ATRX: variants seen among roughly 807,000 people sequenced by gnomAD.
ATRX encodes ATRX chromatin remodeler.
ATRX carries 12 observed loss-of-function variants against 172.6 expected under a neutral mutation model. The ratio of observed to expected loss-of-function variants is 0.07; its 90% CI spans 0.04 to 0.11. The LOEUF (loss-of-function observed/expected upper bound fraction) is 0.11, where lower values mean the gene tolerates loss of function less well. Among genes scored for constraint, ATRX ranks in the 10% least tolerant of loss-of-function variants. The pLI, the probability that ATRX is intolerant of heterozygous loss-of-function variation, is 1.00. For missense variants in ATRX, 1,368 were observed against 1,767.4 expected (o/e 0.77, Z 4.05); for synonymous variants, 674 against 594.7 (o/e 1.13, Z -1.94).
intron 22 of ATRX, among the ~76,000 whole-genome samples, chrX:77,605,796 A>C (rs1238605264): frequency 1.8e-5 from 2 of 111,867 alleles, no homozygotes; most frequent in Admixed American, 1.9e-4. Context: ...AGTAGAAAAG[A>C]TCAATGAAAC....
chrX:77,666,472 C>A (rs1471036779), intron 10 of ATRX, among the ~76,000 whole-genome samples: 2 of 112,087 alleles, frequency 1.8e-5, no homozygotes, highest in African/African-American at 6.5e-5. Flanking sequence ...ACAACATACC[C>A]TCCCCAAATT....
intron 1 of ATRX, among the ~76,000 whole-genome samples, chrX:77,760,494 T>G (rs1275249969): frequency 1.1e-5 from 1 of 93,087 alleles, no homozygotes; most frequent in African/African-American, 3.9e-5. Flanking sequence ...GGGGGAGGGA[T>G]AGCATTGGGA....
chrX:77,682,564 C>G lies in ATRX; in HGVS notation c.2692G>C (p.Asp898His), dbSNP rs781903868. Reference sequence around the variant, plus strand: ...TCTCTTAATTCCATGATGGTCGTGTCTTTATCAACTGTGCCTTCTGCTGAA... The same window carrying G: ...TCTCTTAATTCCATGATGGTCGTGTGTTTATCAACTGTGCCTTCTGCTGAA... ...FSSAEGTVDK[D>H]TTIMELRDRL... The change falls in exon 9 of 35, where the codon GAC becomes CAC. Residue 898 changes from aspartate (D) to histidine (H), a missense_variant. Physicochemically the swap from Asp to His is moderately conservative, Grantham distance 81 (BLOSUM62 -1). Around this residue, in one of 17 missense-constraint regions of ATRX, gnomAD observed 843 missense variants for 643.1 expected, o/e 1.31. Transcript: ENST00000373344. 10 of 1,209,348 alleles carry G rather than the reference C, an allele frequency of 8.3e-6. No individual in the cohort carries two copies. The highest frequency in any genetic ancestry group is 3.5e-5 in the South Asian group (2 of 56,805).
intron 30 of ATRX, among the ~76,000 whole-genome samples, chrX:77,527,562 A>C (rs2063422553): frequency 8.9e-6 from 1 of 112,055 alleles, no homozygotes; most frequent in Admixed American, 9.4e-5. Flanking sequence ...GTCTCAGCAA[A>C]ACAGCAGCTC....
chrX:77,540,473 T>G (rs888281787), intron 30 of ATRX, among the ~76,000 whole-genome samples: 3 of 111,687 alleles, frequency 2.7e-5, no homozygotes, highest in Admixed American at 1.9e-4. Context: ...ACCTAAAAGA[T>G]ATCTACAGAA....
chrX:77,737,187 G>C (rs2074611570), intron 1 of ATRX, among the ~76,000 whole-genome samples: 1 of 110,451 alleles, frequency 9.1e-6, no homozygotes, highest in Non-Finnish European at 1.9e-5. Flanking sequence ...CACTTTAGGA[G>C]GCCGCGGCGG....
chrX:77,712,759 G>A (rs1266150220), intron 2 of ATRX, among the ~76,000 whole-genome samples: 1 of 111,540 alleles, frequency 9.0e-6, no homozygotes, highest in Non-Finnish European at 1.9e-5. Context: ...AACCCAGGAG[G>A]CGGAGGTTGC....
chrX:77,548,662 C>A (rs2064339832), intron 30 of ATRX, among the ~76,000 whole-genome samples: 1 of 112,472 alleles, frequency 8.9e-6, no homozygotes, highest in Admixed American at 9.4e-5. Context: ...TCATACTTTA[C>A]ATCAAATTAT....
chrX:77,695,634 A>C (rs1217733704), intron 5 of ATRX, among the ~76,000 whole-genome samples: 3 of 111,315 alleles, frequency 2.7e-5, no homozygotes, highest in Admixed American at 1.9e-4. Context: ...TGATTTGCAA[A>C]ACTAAGTAAG....
intron 2 of ATRX, among the ~76,000 whole-genome samples, chrX:77,706,856 T>C (rs1557157314): frequency 1.8e-5 from 2 of 111,814 alleles, no homozygotes; most frequent in Non-Finnish European, 3.8e-5. Flanking sequence ...CAGTGAACTA[T>C]GATCTTGCCA....
chrX:77,533,472 T>C (rs1477530796), intron 30 of ATRX, among the ~76,000 whole-genome samples: 19 of 112,177 alleles, frequency 1.7e-4, no homozygotes, highest in African/African-American at 6.2e-4. Flanking sequence ...AACAAGATCA[T>C]GTCCTTTGCA....
intron 7 of ATRX, among the ~76,000 whole-genome samples, chrX:77,686,302 C>T (rs2071549013): frequency 8.9e-6 from 1 of 112,221 alleles, no homozygotes; most frequent in Admixed American, 9.5e-5. Flanking sequence ...ATTAAAACAT[C>T]TCATGTATGC....
At chrX:77,546,557 A>C (rs782261632) in intron 30 of ATRX, among the ~76,000 whole-genome samples, 83 of 110,078 alleles carry the variant, frequency 7.5e-4, no homozygotes, top group Non-Finnish European at 1.4e-3. Context: ...TAGTGGTACA[A>C]ACTTGCTCAC....
At chrX:77,747,216 G>A (rs1193310117) in intron 1 of ATRX, among the ~76,000 whole-genome samples, 4 of 111,648 alleles carry the variant, frequency 3.6e-5, no homozygotes, top group Non-Finnish European at 7.5e-5. Context: ...TTCTGGAACT[G>A]ACATAAAGGA....
At chrX:77,771,105 T>C (rs782206529) in intron 1 of ATRX, among the ~76,000 whole-genome samples, 3 of 111,153 alleles carry the variant, frequency 2.7e-5, no homozygotes, top group Non-Finnish European at 5.7e-5. Flanking sequence ...CGGCCGGGCG[T>C]GGTGGTTCAT....
intron 2 of ATRX, among the ~76,000 whole-genome samples, chrX:77,707,457 C>T (rs1219274264): frequency 8.9e-6 from 1 of 112,451 alleles, no homozygotes; most frequent in Non-Finnish European, 1.9e-5. Context: ...TAAAAATGGG[C>T]AAAGGGGCTG....
At chrX:77,695,014 G>C (rs1450924823) in intron 5 of ATRX, among the ~76,000 whole-genome samples, 3 of 104,588 alleles carry the variant, frequency 2.9e-5, no homozygotes, top group African/African-American at 1.1e-4. Context: ...ACTCAGAGAA[G>C]CCCCAGCATT....
At chrX:77,609,949 G>A (rs1317542369) in intron 22 of ATRX, among the ~76,000 whole-genome samples, 2 of 111,720 alleles carry the variant, frequency 1.8e-5, no homozygotes, top group Non-Finnish European at 3.8e-5. Context: ...GGTGACTACA[G>A]GCAACAATAA....
intron 28 of ATRX, among the ~76,000 whole-genome samples, chrX:77,562,902 T>C (rs781887200): frequency 5.3e-5 from 6 of 112,306 alleles, no homozygotes; most frequent in African/African-American, 1.9e-4. Context: ...TTATTTGACA[T>C]GCATAGCCTT....
Sources: gnomAD v4.1 joint callset for allele counts (sites outside exome capture counted in the v4.1 genomes callset) on GRCh38, gnomAD v4.1.1 for gene constraint, gnomAD v4.1.1 regional missense constraint, MANE v1.5 for transcripts, NCBI Gene and HGNC (gene_info 2026-07-23, HGNC 2026-07-21) for gene names.